Variants in PRSS21 observed in about 807,000 individuals in gnomAD.
PRSS21 encodes the protein testisin.
A neutral mutation model predicts 31.1 loss-of-function variants in PRSS21; 40 were observed. The observed-to-expected ratio is 1.29, with a 90% CI of 1.00 to 1.68. The LOEUF (loss-of-function observed/expected upper bound fraction) is 1.68, where lower values mean the gene tolerates loss of function less well. Among genes scored for constraint, PRSS21 ranks in the 40% most tolerant of loss-of-function variants. The pLI is 0.00. For synonymous variants in PRSS21, 186 were observed against 167.7 expected (o/e 1.11, Z -0.84); for missense variants, 467 against 412.6 (o/e 1.13, Z -1.14).
chr16:2,820,891 T>C (rs1262409023), intron 4 of PRSS21, 64 bp from the exon 5 acceptor site: 1 of 1,552,030 alleles, frequency 6.4e-7, no homozygotes, highest in African/African-American at 1.4e-5. Context: ...CCGCAGCCTA[T>C]GCCATCCCTC....
intron 4 of PRSS21, among the ~76,000 whole-genome samples, chr16:2,820,394 T>G (rs1448114731): frequency 6.6e-6 from 1 of 152,206 alleles, no homozygotes; most frequent in Non-Finnish European, 1.5e-5. Context: ...TGTGGGCTCC[T>G]GTCAGGCTCT....
chr16:2,817,537 C>T lies in PRSS21; in HGVS notation c.91+81C>T. 7.2e-7 allele frequency: 1 copy of T among 1,382,888 alleles called. No individual in the cohort carries two copies. The highest frequency in any genetic ancestry group is 1.4e-5 in the South Asian group (1 of 72,362). 85.7% of individuals were successfully genotyped at this position (1,382,888 alleles called of 1,614,324 possible). ...GGGGCGGTGAGGGGGTAGAGGGGGG[C>T]CTTTACTGCTCTCTCGCCCCCGCCC... is the stretch of plus-strand genomic sequence containing the variant. On this transcript the variant is annotated intron_variant, in intron 2 of 5. Coordinates refer to ENST00000005995, the MANE Select transcript of PRSS21 (RefSeq NM_006799.4). The surrounding 1 kb of genome is among the most constrained non-coding windows in gnomAD (Gnocchi z 4.2).
rs1000968942 is a variant in PRSS21, at chr16:2,818,001, G to A, written c.257+35G>A. On this transcript the variant is annotated intron_variant, in intron 3 of 5. Coordinates refer to ENST00000005995, the MANE Select transcript of PRSS21 (RefSeq NM_006799.4). ...GGTGCGAACGGAGGGGTGCGGGGACGGGCAGGAACAGGGCTGGAGGGAGTG... is the reference window on the plus strand; with the variant it reads ...GGTGCGAACGGAGGGGTGCGGGGACAGGCAGGAACAGGGCTGGAGGGAGTG... The A allele has an allele frequency of 9.1e-6, 14 of 1,532,984 alleles. No individual in the cohort carries two copies. In the South Asian group the frequency reaches 1.4e-4, roughly 16 times the overall value. The allele number at this position is 1,532,984 out of a possible 1,614,324, so 95.0% of individuals were successfully genotyped here. A position where few individuals can be genotyped will look rare whatever the true frequency, so the allele number is the denominator to read the frequency against.
At chr16:2,820,241 C>T (rs904169195) in intron 4 of PRSS21, among the ~76,000 whole-genome samples, 2 of 152,246 alleles carry the variant, frequency 1.3e-5, no homozygotes, top group Non-Finnish European at 1.5e-5. Flanking sequence ...ACATCAGAGG[C>T]TAGTTCCCAG....
intron 3 of PRSS21, among the ~76,000 whole-genome samples, chr16:2,818,254 T>TCACC (rs1247713789): frequency 6.6e-6 from 1 of 152,140 alleles, no homozygotes; most frequent in African/African-American, 2.4e-5. Context: ...AACCCAAAGT[T>TCACC]CACCACTGAC....
chr16:2,817,523 G>C lies in PRSS21; in HGVS notation c.91+67G>C, dbSNP rs1021159746. 3.4e-6 allele frequency: 4 copies of C among 1,190,764 alleles called. No homozygotes were observed. The highest frequency in any genetic ancestry group is 4.1e-5 in the African/African-American group (2 of 48,876). 73.8% of individuals were successfully genotyped at this position (1,190,764 alleles called of 1,614,324 possible). On this transcript the variant is annotated intron_variant, in intron 2 of 5. Transcript: ENST00000005995. The surrounding 1 kb of genome is among the most constrained non-coding windows in gnomAD (Gnocchi z 4.2). ...GCCGAGGTGGACGGGGGGCGGTGAGGGGGTAGAGGGGGGCCTTTACTGCTC... is the reference window on the plus strand; with the variant it reads ...GCCGAGGTGGACGGGGGGCGGTGAGCGGGTAGAGGGGGGCCTTTACTGCTC...
chr16:2,820,874 C>T, intron 4 of PRSS21, 81 bp from the exon 5 acceptor site: 1 of 1,470,236 alleles, frequency 6.8e-7, no homozygotes, highest in Non-Finnish European at 9.3e-7. Context: ...CCCCAGGGCC[C>T]CCACCCCCGC....
chr16:2,821,439 T>C lies in PRSS21; in HGVS notation c.779T>C (p.Val260Ala), dbSNP rs1311500418. The C allele has an allele frequency of 6.2e-7, 1 of 1,613,932 alleles. No homozygotes were observed. Among genetic ancestry groups the C allele is most frequent in the African/African-American group, 1.3e-5 (1 of 74,878 alleles). ...CAGATTGGAGTCGTGAGCTGGGGAG[T>C]GGGCTGTGGTCGGCCCAATCGGCCC... ...WYQIGVVSWG[V>A]GCGRPNRPGV... The change falls in exon 6 of 6, where the codon GTG becomes GCG. Residue 260 changes from valine (V) to alanine (A), a missense_variant. Physicochemically the swap from Val to Ala is moderately conservative, Grantham distance 64. Coordinates refer to ENST00000005995, the MANE Select transcript of PRSS21 (RefSeq NM_006799.4).
intron 3 of PRSS21, 145 bp from the exon 4 acceptor site, chr16:2,818,532 T>C (rs772895554): frequency 8.8e-6 from 7 of 796,828 alleles, no homozygotes; most frequent in Non-Finnish European, 1.4e-5. Context: ...GTGGTCTGTC[T>C]GGGCTCCTTC....
intron 5 of PRSS21, 86 bp from the exon 6 acceptor site, chr16:2,821,280 C>G: frequency 6.4e-7 from 1 of 1,561,918 alleles, no homozygotes; most frequent in Non-Finnish European, 8.7e-7. Flanking sequence ...CCCAGTCTAC[C>G]CAGCCCCATA....
At position 2,820,978 on chromosome 16, in the gene PRSS21, C is replaced by T. The variant is rs777751552; in HGVS notation, c.574C>T (p.Gln192Ter). The change falls in exon 5 of 6, where the codon CAG (glutamine) becomes TAG (stop). Residue 192 changes from glutamine (Q) to a stop codon, truncating the protein, a stop_gained. Transcript: ENST00000005995. LOFTEE classifies it high-confidence loss of function. ...AGCACTGCCATCTCCCCACACCCTC[C>T]AGGAAGTTCAGGTCGCCATCATAAA... ...DEALPSPHTLQEVQVAIINNS... is the reference protein window; with the variant it reads ...DEALPSPHTL The T allele has an allele frequency of 5.0e-6, 8 of 1,613,836 alleles. No homozygotes were observed. The East Asian group carries it at 1.1e-4, about 22-fold the overall frequency.
rs1596314950 is a variant in PRSS21, at chr16:2,818,951, T to C, written c.532T>C (p.Tyr178His). 3 of 1,613,968 alleles carry C rather than the reference T, an allele frequency of 1.9e-6. No individual in the cohort carries two copies. The highest frequency in any genetic ancestry group is 2.7e-5 in the African/African-American group (2 of 74,982). ...AGACTGCTGGGTGACTGGCTGGGGG[T>C]ACATCAAAGAGGATGAGGGTGAGGC... ...RTDCWVTGWGYIKEDEALPSP... is the reference protein window; with the variant it reads ...RTDCWVTGWGHIKEDEALPSP... The change falls in exon 4 of 6, where the codon TAC becomes CAC. Residue 178 changes from tyrosine to histidine, a missense_variant. Transcript: ENST00000005995.
In PRSS21 at chr16:2,821,391, G is replaced by A. The variant is rs771479192; in HGVS notation, c.731G>A (p.Cys244Tyr). Residue 244 changes from cysteine (C) to tyrosine (Y), a missense_variant, in exon 6 of 6, where the codon TGT (cysteine) becomes TAT (tyrosine). Cys to Tyr is a radical substitution (Grantham distance 194). Coordinates refer to ENST00000005995, the MANE Select transcript of PRSS21 (RefSeq NM_006799.4). ...CFGDSGGPLACNKNGLWYQIG... is the reference protein window; with the variant it reads ...CFGDSGGPLAYNKNGLWYQIG... ...GGTGACTCAGGTGGACCCTTGGCCT[G>A]TAACAAGAATGGACTGTGGTATCAG... The A allele has an allele frequency of 1.2e-6, 2 of 1,614,112 alleles. No individual in the cohort carries two copies. Among genetic ancestry groups the A allele is most frequent in the African/African-American group, 1.3e-5 (1 of 74,944 alleles).
intron 4 of PRSS21, among the ~76,000 whole-genome samples, chr16:2,819,878 C>A (rs1304293545): frequency 6.6e-6 from 1 of 152,226 alleles, no homozygotes; most frequent in African/African-American, 2.4e-5. Context: ...CCAAGTCACA[C>A]CCCGGCAGTT....
intron 4 of PRSS21, among the ~76,000 whole-genome samples, chr16:2,819,757 G>A (rs946691990): frequency 1.3e-5 from 2 of 152,234 alleles, no homozygotes; most frequent in Non-Finnish European, 2.9e-5. Context: ...AGTTGGTAAC[G>A]TTCTTATACC....
Position 2,817,477 on chromosome 16 carries a change from G to A in PRSS21, c.91+21G>A. 6.4e-7 allele frequency: 1 copy of A among 1,561,016 alleles called. No homozygotes were observed. Among genetic ancestry groups the A allele is most frequent in the Non-Finnish European group, 8.6e-7 (1 of 1,161,564 alleles). ...ATCAGGTAGGGCGCCCAGGACGCGCGATTCCTGCCAGGGCCGTTGGGCCGA... is the reference window on the plus strand; with the variant it reads ...ATCAGGTAGGGCGCCCAGGACGCGCAATTCCTGCCAGGGCCGTTGGGCCGA... On this transcript the variant is annotated intron_variant, in intron 2 of 5. Transcript: ENST00000005995. The surrounding 1 kb of genome is among the most constrained non-coding windows in gnomAD (Gnocchi z 4.2).
chr16:2,821,169 T>C (rs969136549), intron 5 of PRSS21, 60 bp downstream of exon 5: 2 of 1,600,436 alleles, frequency 1.2e-6, no homozygotes, highest in Non-Finnish European at 8.5e-7. Flanking sequence ...TGTGCCTTAT[T>C]TGACCCTCAT....
rs759211854 is a variant in PRSS21, at chr16:2,821,559, T to C, written c.899T>C (p.Leu300Pro). 1.2e-6 allele frequency: 2 copies of C among 1,614,100 alleles called. No individual in the cohort carries two copies. The highest frequency in any genetic ancestry group is 3.3e-5 in the Admixed American group (2 of 60,032). The change falls in exon 6 of 6, where the codon CTC (leucine) becomes CCC (proline). Residue 300 changes from leucine to proline, a missense_variant. By Grantham distance (98) the Leu-to-Pro change is moderately conservative. Transcript: ENST00000005995. ...MSQPDPSWPL[L>P]FFPLLWALPL... is the part of the protein sequence containing the mutation. ...CAGCCAGACCCCTCCTGGCCGCTAC[T>C]CTTTTTCCCTCTTCTCTGGGCTCTC...
chr16:2,819,285 A>C (rs1347674418), intron 4 of PRSS21, among the ~76,000 whole-genome samples: 6 of 152,116 alleles, frequency 3.9e-5, no homozygotes, highest in Admixed American at 3.9e-4. Context: ...CACCTCCCCC[A>C]GTGCTCACCA....
Sources: gnomAD v4.1 joint callset for allele counts (sites outside exome capture counted in the v4.1 genomes callset) on GRCh38, gnomAD v4.1.1 for gene constraint, Gnocchi (gnomAD v3.1) non-coding constraint, MANE v1.5 for transcripts, NCBI Gene and HGNC (gene_info 2026-07-23, HGNC 2026-07-21) for gene names.